CNTN4: variants seen among roughly 807,000 people sequenced by gnomAD.
CNTN4 encodes contactin-4.
CNTN4 carries 77 observed loss-of-function variants against 122.5 expected under a neutral mutation model. The ratio of observed to expected loss-of-function variants is 0.63; its 90% CI spans 0.52 to 0.76. The LOEUF (loss-of-function observed/expected upper bound fraction) is 0.76, where lower values mean the gene tolerates loss of function less well. Ranked by LOEUF, CNTN4 falls within the 30% of genes least tolerant of loss-of-function variation. The probability of loss-of-function intolerance (pLI) is 0.00; values close to 1 mark genes in which losing one functional copy is unlikely to be tolerated. For synonymous variants in CNTN4, 512 were observed against 447.0 expected (o/e 1.15, Z -1.83); for missense variants, 1,256 against 1,259.1 (o/e 1.00, Z 0.04).
chr3:2,605,806 G>T (rs1049423656), intron 4 of CNTN4, among the ~76,000 whole-genome samples: 1 of 152,102 alleles, frequency 6.6e-6, no homozygotes, highest in South Asian at 2.1e-4. Context: ...CCACAGTTGG[G>T]GTTACAGCAG....
At chr3:2,888,699 G>T (rs1334494260) in intron 10 of CNTN4, among the ~76,000 whole-genome samples, 2 of 151,376 alleles carry the variant, frequency 1.3e-5, no homozygotes, top group African/African-American at 2.4e-5. Context: ...TTCTGTGTAT[G>T]AAATATACAT....
At chr3:2,207,345 G>A (rs1048586811) in intron 2 of CNTN4, among the ~76,000 whole-genome samples, 1 of 152,094 alleles carries the variant, frequency 6.6e-6, no homozygotes, top group Non-Finnish European at 1.5e-5. Context: ...AGTGAGGAAG[G>A]CATGTCGAAA....
chr3:2,226,912 G>T (rs78542080), intron 2 of CNTN4, among the ~76,000 whole-genome samples: 3,275 of 152,156 alleles, frequency 0.022, 59 homozygotes, highest in Middle Eastern at 0.044. Context: ...ACTCTTTGCA[G>T]TAGCTGTGAT....
chr3:2,778,389 T>G (rs569061719), intron 6 of CNTN4, among the ~76,000 whole-genome samples: 1 of 151,968 alleles, frequency 6.6e-6, no homozygotes, highest in Non-Finnish European at 1.5e-5. Context: ...AATTAAATTA[T>G]GTTCTCAAAA....
At chr3:2,602,194 G>A (rs1217811480) in intron 4 of CNTN4, among the ~76,000 whole-genome samples, 1 of 152,190 alleles carries the variant, frequency 6.6e-6, no homozygotes, top group African/African-American at 2.4e-5. Context: ...AGACAGGGAT[G>A]CCCTCTCTCA....
chr3:2,871,748 G>C (rs563972518), intron 8 of CNTN4, among the ~76,000 whole-genome samples: 3 of 152,260 alleles, frequency 2.0e-5, no homozygotes, highest in Admixed American at 1.3e-4. Flanking sequence ...TTGGGCTCTA[G>C]ATTTAGACAT....
intron 14 of CNTN4, among the ~76,000 whole-genome samples, chr3:2,993,956 A>T (rs1695290220): frequency 6.6e-6 from 1 of 152,210 alleles, no homozygotes; most frequent in Non-Finnish European, 1.5e-5. Context: ...GAGGAGAGAT[A>T]ATAAATCATT....
intron 12 of CNTN4, among the ~76,000 whole-genome samples, chr3:2,914,467 A>G (rs1218501615): frequency 3.9e-5 from 6 of 152,210 alleles, no homozygotes; most frequent in Non-Finnish European, 5.9e-5. Flanking sequence ...CATGAAACAG[A>G]TGATTCAGAA....
chr3:2,761,168 G>T (rs1250556129), intron 6 of CNTN4, among the ~76,000 whole-genome samples: 1 of 152,120 alleles, frequency 6.6e-6, no homozygotes, highest in African/African-American at 2.4e-5. Flanking sequence ...TATTTTAAAT[G>T]GGCGGTTTTT....
intron 2 of CNTN4, among the ~76,000 whole-genome samples, chr3:2,268,299 C>T (rs775611319): frequency 1.3e-5 from 2 of 151,802 alleles, no homozygotes; most frequent in Non-Finnish European, 2.9e-5. Context: ...TATTATGGAT[C>T]AGAATTGAGA....
intron 2 of CNTN4, among the ~76,000 whole-genome samples, chr3:2,299,432 G>C (rs967392497): frequency 1.3e-5 from 2 of 151,928 alleles, no homozygotes; most frequent in African/African-American, 4.8e-5. Context: ...AGTAGTGTAC[G>C]TTGTACCTAA....
At position 2,864,160 on chromosome 3, in the gene CNTN4, A is replaced by G. The variant is rs910424203; in HGVS notation, c.455-2592A>G. Among the ~76,000 whole-genome samples the G allele has an allele frequency of 1.2e-4, 19 of 152,344 alleles. 1 individual carries two copies. Among genetic ancestry groups the G allele is most frequent in the South Asian group, 6.2e-4 (3 of 4,826 alleles). ...AGAGAATTCAAAGTGCTTTCACATA[A>G]TCGGTTGCTCACCACTTACCTGCAT... On this transcript the variant is annotated intron_variant, in intron 7 of 24. Transcript: ENST00000418658.
chr3:2,369,737 G>T (rs942804236), intron 3 of CNTN4, among the ~76,000 whole-genome samples: 6 of 151,952 alleles, frequency 3.9e-5, no homozygotes, highest in African/African-American at 1.2e-4. Flanking sequence ...GCAGAGCCCT[G>T]CATTGCATCT....
At chr3:2,477,551 T>A (rs977813008) in intron 3 of CNTN4, among the ~76,000 whole-genome samples, 1 of 152,112 alleles carries the variant, frequency 6.6e-6, no homozygotes, top group African/African-American at 2.4e-5. Context: ...GGCAGCCCAG[T>A]TAGAAAGCAC....
At position 2,712,162 on chromosome 3, in the gene CNTN4, G is replaced by A. The variant is rs116263960; in HGVS notation, c.56-24053G>A. Among the ~76,000 whole-genome samples, 302 of 152,148 alleles carry A rather than the reference G, an allele frequency of 2.0e-3. 3 individuals are homozygous for A. The highest frequency in any genetic ancestry group is 6.8e-3 in the African/African-American group (284 of 41,520). The stretch of plus-strand genomic sequence containing the variant: ...TGCAAAACTTGAAATAAAATTGTAT[G>A]CACATTGTTATAACTATTTTTATAG... On this transcript the variant is annotated intron_variant, in intron 4 of 24. Coordinates refer to ENST00000418658, the MANE Select transcript of CNTN4 (RefSeq NM_175607.3).
intron 2 of CNTN4, among the ~76,000 whole-genome samples, chr3:2,187,902 C>G (rs572702872): frequency 6.4e-4 from 97 of 152,194 alleles, no homozygotes; most frequent in African/African-American, 2.2e-3. Flanking sequence ...GAGATGTTCT[C>G]TTTTGACACC....
At chr3:2,165,329 A>T (rs923016947) in intron 2 of CNTN4, among the ~76,000 whole-genome samples, 9 of 152,090 alleles carry the variant, frequency 5.9e-5, no homozygotes, top group Non-Finnish European at 1.2e-4. Context: ...ATCTTAAAAA[A>T]AAAAAAAGAC....
chr3:2,837,449 C>G (rs1289489790), intron 7 of CNTN4, among the ~76,000 whole-genome samples: 4 of 152,166 alleles, frequency 2.6e-5, no homozygotes, highest in Non-Finnish European at 5.9e-5. Context: ...TGGAGCTGTT[C>G]TGAATCTCCA....
chr3:2,634,959 A>C (rs747073172), intron 4 of CNTN4, among the ~76,000 whole-genome samples: 2 of 152,182 alleles, frequency 1.3e-5, no homozygotes, highest in Non-Finnish European at 2.9e-5. Context: ...TTTTATTCTT[A>C]GTAGAAAGAC....
Sources: allele counts gnomAD v4.1 joint callset (sites outside exome capture counted in the v4.1 genomes callset), GRCh38; gene constraint gnomAD v4.1.1; transcripts MANE v1.5; gene names NCBI Gene and HGNC (gene_info 2026-07-23, HGNC 2026-07-21).